DZIP1: variants seen among roughly 807,000 people sequenced by gnomAD.
The protein encoded by DZIP1 is cilium assembly protein DZIP1.
Under a neutral mutation model 107.6 loss-of-function variants are expected in DZIP1, and 97 were observed. That is an observed-to-expected ratio of 0.90 (90% CI 0.77 to 1.07). The LOEUF is 1.07. DZIP1 is among the 50% of genes least tolerant of loss of function. DZIP1 has a pLI of 0.00. For missense variants in DZIP1, 1,035 were observed against 1,063.6 expected (o/e 0.97, Z 0.37); for synonymous variants, 390 against 386.4 (o/e 1.01, Z -0.11).
In DZIP1 at chr13:95,586,050, C is replaced by T. The variant is rs2044150521; in HGVS notation, c.2305G>A (p.Val769Ile). ...TCTTTTTTGATAAACATCTCAGGGA[C>T]ATTAGTTCCACCGACTGGTTTGTTC... ...NVNKPVGGTNVPEMFIKKEEL... is the reference protein window; with the variant it reads ...NVNKPVGGTNIPEMFIKKEEL... Residue 769 changes from valine (V) to isoleucine (I), a missense_variant, in exon 21 of 23, where the codon GTC (valine) becomes ATC (isoleucine). Physicochemically the swap from Val to Ile is conservative, Grantham distance 29. Transcript: ENST00000376829. 1 of 1,609,292 alleles carries T rather than the reference C, an allele frequency of 6.2e-7. No individual in the cohort carries two copies. The highest frequency in any genetic ancestry group is 1.7e-5 in the Admixed American group (1 of 58,988).
chr13:95,611,391 A>G (rs980800475), intron 12 of DZIP1, 54 bp downstream of exon 12: 2 of 1,408,964 alleles, frequency 1.4e-6, no homozygotes, highest in Non-Finnish European at 2.0e-6. Context: ...TCTGAAGCCC[A>G]GTGCAATTGG....
intron 8 of DZIP1, among the ~76,000 whole-genome samples, chr13:95,623,849 G>C (rs1876209789): frequency 6.6e-6 from 1 of 152,178 alleles, no homozygotes. Context: ...TGAAGCACGA[G>C]AATCACTTGA....
Position 95,641,778 on chromosome 13 carries a change from CGCGGCGGCGGCGGCCACA to C in DZIP1, c.96_113del (p.Val33_Ala38del), listed in dbSNP as rs1878542789. The C allele has an allele frequency of 6.5e-7, 1 of 1,538,570 alleles. No homozygotes were observed. Among genetic ancestry groups the C allele is most frequent in the Non-Finnish European group, 8.7e-7 (1 of 1,154,688 alleles). ...GCGCACAGGCCATGGAGGCCGCACC[CGCGGCGGCGGCGGCCACA>C]GCGACGTCGGGCCCCTCTGGGCCGC... is the stretch of plus-strand genomic sequence containing the variant. On this transcript the variant is annotated inframe_deletion, in exon 5 of 23. Transcript: ENST00000376829. This position sits in a 1 kb window ranked among gnomAD's most constrained non-coding sequence, Gnocchi z 4.3.
intron 15 of DZIP1, 43 bp from the exon 16 acceptor site, chr13:95,594,129 A>G: frequency 6.7e-7 from 1 of 1,483,202 alleles, no homozygotes; most frequent in Non-Finnish European, 9.2e-7. Context: ...AGAATTAAGC[A>G]AATACATCAA....
Position 95,593,935 on chromosome 13 carries a change from T to A in DZIP1, c.1680+9A>T, listed in dbSNP as rs1379127943. 6.3e-7 allele frequency: 1 copy of A among 1,584,732 alleles called. No homozygotes were observed. The highest frequency in any genetic ancestry group is 2.3e-5 in the East Asian group (1 of 44,212). On this transcript the variant is annotated intron_variant, in intron 16 of 22. Coordinates refer to ENST00000376829, the MANE Select transcript of DZIP1 (RefSeq NM_198968.4). Reference sequence around the variant, plus strand: ...AACTAACAAATATTCCAAAAATGAATGAACATACTGCATTAATCCCCAAGG... The same window carrying A: ...AACTAACAAATATTCCAAAAATGAAAGAACATACTGCATTAATCCCCAAGG...
At chr13:95,626,039 G>A (rs1269756361) in intron 7 of DZIP1, among the ~76,000 whole-genome samples, 1 of 152,094 alleles carries the variant, frequency 6.6e-6, no homozygotes, top group Non-Finnish European at 1.5e-5. Flanking sequence ...GGCTGAGGTG[G>A]GAGGACCACT....
At position 95,610,111 on chromosome 13, in the gene DZIP1, T is replaced by TGTGTGTGTGTGTGTGTGTGTGA. The variant is rs368276400; in HGVS notation, c.1364-599_1364-598insTCACACACACACACACACACAC. Reference sequence around the variant, plus strand: ...GTGTGTGTGTGTGTGTGTGTGTGTGTGAGAGAGAGACAGAGAGAGAGAGAC... The same window carrying TGTGTGTGTGTGTGTGTGTGTGA: ...GTGTGTGTGTGTGTGTGTGTGTGTGTGTGTGTGTGTGTGTGTGTGTGAGAGAGAGAGACAGAGAGAGAGAGAC... On this transcript the variant is annotated intron_variant, in intron 12 of 22. Coordinates refer to ENST00000376829, the MANE Select transcript of DZIP1 (RefSeq NM_198968.4). 3.2e-5 allele frequency among the ~76,000 whole-genome samples: 4 copies of TGTGTGTGTGTGTGTGTGTGTGA among 126,658 alleles called. 1 individual carries two copies. The highest frequency in any genetic ancestry group is 6.9e-5 in the Non-Finnish European group (4 of 58,248). 83.1% of individuals were successfully genotyped at this position (126,658 alleles called of 152,430 possible). A position where few individuals can be genotyped will look rare whatever the true frequency, so the allele number is the denominator to read the frequency against.
chr13:95,643,928 G>T lies in DZIP1; in HGVS notation c.-525-230C>A, dbSNP rs148530846. On this transcript the variant is annotated intron_variant, in intron 1 of 22. Coordinates refer to ENST00000376829, the MANE Select transcript of DZIP1 (RefSeq NM_198968.4). ...CGCGCGCCCCCGCTGAGATCTGGGCGCAGAGGCCTGCGGGCCCGAGGTACC... is the reference window on the plus strand; with the variant it reads ...CGCGCGCCCCCGCTGAGATCTGGGCTCAGAGGCCTGCGGGCCCGAGGTACC... Among the ~76,000 whole-genome samples the T allele has an allele frequency of 1.2e-3, 185 of 152,324 alleles. 1 individual carries two copies. Among genetic ancestry groups the T allele is most frequent in the African/African-American group, 4.2e-3 (175 of 41,580 alleles).
chr13:95,584,510 A>G (rs1742710684), intron 22 of DZIP1: 2 of 867,812 alleles, frequency 2.3e-6, no homozygotes, highest in African/African-American at 3.5e-5. Flanking sequence ...TAAATTAAAA[A>G]TTTAAAGACT....
intron 14 of DZIP1, among the ~76,000 whole-genome samples, chr13:95,605,277 A>G (rs1478295498): frequency 1.3e-5 from 2 of 152,248 alleles, no homozygotes; most frequent in Non-Finnish European, 2.9e-5. Context: ...GAGCAACTGT[A>G]TGTGAGACTG....
At chr13:95,628,402 T>G (rs1011310713) in intron 7 of DZIP1, among the ~76,000 whole-genome samples, 42 of 152,162 alleles carry the variant, frequency 2.8e-4, no homozygotes, top group Non-Finnish European at 4.7e-4. Flanking sequence ...ATAAAAAGAT[T>G]CGTGGTTACC....
chr13:95,628,270 T>C (rs965406508), intron 7 of DZIP1, among the ~76,000 whole-genome samples: 3 of 152,186 alleles, frequency 2.0e-5, no homozygotes, highest in African/African-American at 7.2e-5. Flanking sequence ...CTTGAACTCC[T>C]GGGCTCGAGC....
chr13:95,586,485 C>A (rs369323049), intron 20 of DZIP1, among the ~76,000 whole-genome samples: 1 of 152,036 alleles, frequency 6.6e-6, no homozygotes, highest in African/African-American at 2.4e-5. Flanking sequence ...CAGGTGAGAG[C>A]GACTGTGCCT....
At chr13:95,610,055 AGTGT>A (rs58398816) in intron 12 of DZIP1, among the ~76,000 whole-genome samples, 1,709 of 109,278 alleles carry the variant, frequency 0.016, 24 homozygotes, top group East Asian at 0.021. Flanking sequence ...TGACTGGTTT[AGTGT>A]GTGTGTGTGT....
At chr13:95,603,769 A>G (rs2044690767) in intron 14 of DZIP1, among the ~76,000 whole-genome samples, 1 of 152,200 alleles carries the variant, frequency 6.6e-6, no homozygotes, top group South Asian at 2.1e-4. Flanking sequence ...CCCGTGTTTC[A>G]TCCTATCAAC....
At position 95,578,219 on chromosome 13, in the gene DZIP1, TAAAC is replaced by T. The variant is rs939821636; in HGVS notation, c.*4011_*4014del. On this transcript the variant is annotated 3_prime_UTR_variant, in exon 23 of 23. Coordinates refer to ENST00000376829, the MANE Select transcript of DZIP1 (RefSeq NM_198968.4). ...TTCTGTTGTGGCTTTCTATAAAAAA[TAAAC>T]AGTTTATTTACAGGATTTGTAAAAT... The T allele has an allele frequency of 7.1e-5, 27 of 381,074 alleles. No homozygotes were observed. The highest frequency in any genetic ancestry group is 2.9e-4 in the African/African-American group (14 of 48,030). 23.6% of individuals were successfully genotyped at this position (381,074 alleles called of 1,614,324 possible). A position where few individuals can be genotyped will look rare whatever the true frequency, so the allele number is the denominator to read the frequency against.
At chr13:95,640,002 T>A (rs78146002) in intron 5 of DZIP1, among the ~76,000 whole-genome samples, 111 of 146,716 alleles carry the variant, frequency 7.6e-4, no homozygotes, top group Admixed American at 1.7e-3. Flanking sequence ...TTATTTATTT[T>A]TTTTTTTTTG....
intron 13 of DZIP1, among the ~76,000 whole-genome samples, chr13:95,608,097 G>C (rs1403772268): frequency 6.6e-6 from 1 of 152,166 alleles, no homozygotes; most frequent in Non-Finnish European, 1.5e-5. Context: ...ATGCTGGGAA[G>C]AGGAATGGGA....
intron 16 of DZIP1, among the ~76,000 whole-genome samples, chr13:95,591,275 C>T (rs1293722215): frequency 6.6e-6 from 1 of 152,144 alleles, no homozygotes; most frequent in Non-Finnish European, 1.5e-5. Flanking sequence ...GATCCACCTG[C>T]CTTGGCCTCC....
Sources: gnomAD v4.1 joint callset for allele counts (sites outside exome capture counted in the v4.1 genomes callset) on GRCh38, gnomAD v4.1.1 for gene constraint, Gnocchi (gnomAD v3.1) non-coding constraint, MANE v1.5 for transcripts, NCBI Gene and HGNC (gene_info 2026-07-23, HGNC 2026-07-21) for gene names.